RBFOX1: variants seen among roughly 807,000 people sequenced by gnomAD.
RBFOX1 encodes RNA binding fox-1 homolog 1, also known as RNA binding protein fox-1 homolog 1.
A neutral mutation model predicts 57.7 loss-of-function variants in RBFOX1; 8 were observed. The observed-to-expected ratio is 0.14, with a 90% CI of 0.08 to 0.25. RBFOX1 has a LOEUF of 0.25. RBFOX1 is among the 10% of genes least tolerant of loss of function. The pLI, the probability that RBFOX1 is intolerant of heterozygous loss-of-function variation, is 1.00. For missense variants in RBFOX1, 611 were observed against 548.5 expected, an observed-to-expected ratio of 1.11 and a Z score of -1.14; for synonymous variants, 326 against 222.4, an observed-to-expected ratio of 1.47 and a Z score of -4.15.
At chr16:6,421,091 G>T (rs1333554418) in intron 2 of RBFOX1, among the ~76,000 whole-genome samples, 2 of 152,206 alleles carry the variant, frequency 1.3e-5, no homozygotes, top group African/African-American at 2.4e-5. Flanking sequence ...TCAATCACAT[G>T]AAGGCTGGAT....
chr16:7,635,964 C>A (rs2061686465), intron 11 of RBFOX1, among the ~76,000 whole-genome samples: 1 of 152,174 alleles, frequency 6.6e-6, no homozygotes, highest in Admixed American at 6.5e-5. Context: ...GCGCCCGCCA[C>A]CATGCCCGGC....
chr16:6,576,708 A>C (rs2097443425), intron 2 of RBFOX1, among the ~76,000 whole-genome samples: 1 of 152,170 alleles, frequency 6.6e-6, no homozygotes, highest in Admixed American at 6.5e-5. Flanking sequence ...TATTTTATTT[A>C]CTAAAACAAA....
At position 7,142,014 on chromosome 16, in the gene RBFOX1, C is replaced by CCTTCTTCCTTCTTT. The variant is rs1394702724; in HGVS notation, c.27+89923_27+89936dup. Among the ~76,000 whole-genome samples, 193 of 149,634 alleles carry CCTTCTTCCTTCTTT rather than the reference C, an allele frequency of 1.3e-3. 1 individual carries two copies. The highest frequency in any genetic ancestry group is 0.013 in the South Asian group (58 of 4,628). On this transcript the variant is annotated intron_variant, in intron 4 of 15. Coordinates refer to ENST00000550418, the MANE Select transcript of RBFOX1 (RefSeq NM_018723.4). ...CTCCTTCTTCTTCCTCCTTCTTCTTCCTTCTTCCTTCTTTCTTCTTTTTAT... is the reference window on the plus strand; with the variant it reads ...CTCCTTCTTCTTCCTCCTTCTTCTTCCTTCTTCCTTCTTTCTTCTTCCTTCTTTCTTCTTTTTAT...
At chr16:7,582,029 C>A (rs59252889) in intron 6 of RBFOX1, among the ~76,000 whole-genome samples, 9,197 of 33,396 alleles carry the variant, frequency 0.28, 309 homozygotes, top group Middle Eastern at 0.43. Flanking sequence ...ATCCAGCACC[C>A]CCCCCCCCCC....
intron 4 of RBFOX1, among the ~76,000 whole-genome samples, chr16:7,226,272 A>G (rs985998746): frequency 1.3e-5 from 2 of 152,228 alleles, no homozygotes; most frequent in African/African-American, 4.8e-5. Context: ...AGGATGAATC[A>G]GGCCTCTCAT....
At position 7,566,393 on chromosome 16, in the gene RBFOX1, C is replaced by T. The variant is rs559669421; in HGVS notation, c.271-13384C>T. Among the ~76,000 whole-genome samples, 114 of 152,246 alleles carry T rather than the reference C, an allele frequency of 7.5e-4. 4 individuals are homozygous for T. The South Asian group carries it at 0.023, about 31-fold the overall frequency. On this transcript the variant is annotated intron_variant, in intron 5 of 15. Coordinates refer to ENST00000550418, the MANE Select transcript of RBFOX1 (RefSeq NM_018723.4). ...TTTACTCCTGTCTATATGTACTTTG[C>T]AGCTGCTCTACGTGCCTGCTCTTAG...
At chr16:5,448,011 A>G (rs1166292471) in intron 1 of RBFOX1, among the ~76,000 whole-genome samples, 1 of 152,146 alleles carries the variant, frequency 6.6e-6, no homozygotes, top group Non-Finnish European at 1.5e-5. Context: ...TGTTTAATTA[A>G]TTGAATCTGG....
chr16:7,447,440 A>AG (rs1361857708), intron 4 of RBFOX1, among the ~76,000 whole-genome samples: 4 of 151,602 alleles, frequency 2.6e-5, no homozygotes, highest in African/African-American at 9.7e-5. Flanking sequence ...CAAAAAAAAA[A>AG]AAAAAAAAAA....
In RBFOX1 at chr16:5,554,840, C is replaced by G. The variant is rs186695903; in HGVS notation, c.259-44062C>G. 3.0e-3 allele frequency among the ~76,000 whole-genome samples: 463 copies of G among 152,280 alleles called. 2 individuals carry two copies. The highest frequency in any genetic ancestry group is 0.011 in the African/African-American group (448 of 41,558). On this transcript the variant is annotated intron_variant, in intron 2 of 2. Coordinates refer to the RBFOX1 transcript ENST00000585867. The stretch of plus-strand genomic sequence containing the variant: ...TGTCTTTTTTCTTACTCACATTCTT[C>G]CTGCCTTCTGAGCAGTTGTCTCCAA...
intron 1 of RBFOX1, among the ~76,000 whole-genome samples, chr16:6,209,750 G>A (rs2097280527): frequency 6.6e-6 from 1 of 152,172 alleles, no homozygotes; most frequent in African/African-American, 2.4e-5. Context: ...TCCTTGTCTG[G>A]AAGCAGGTCG....
intron 4 of RBFOX1, among the ~76,000 whole-genome samples, chr16:7,310,102 G>T (rs2096274697): frequency 2.0e-5 from 3 of 152,216 alleles, no homozygotes; most frequent in Non-Finnish European, 4.4e-5. Flanking sequence ...TCAGCTCTCA[G>T]GCACAATGGC....
chr16:6,768,366 G>A (rs1181519047), intron 3 of RBFOX1, among the ~76,000 whole-genome samples: 3 of 151,710 alleles, frequency 2.0e-5, no homozygotes, highest in African/African-American at 7.3e-5. Flanking sequence ...TAGGGTAGAT[G>A]GTGTAGTTTT....
At chr16:5,584,614 G>C (rs2046774264) in intron 2 of RBFOX1, among the ~76,000 whole-genome samples, 1 of 152,180 alleles carries the variant, frequency 6.6e-6, no homozygotes, top group African/African-American at 2.4e-5. Context: ...CAGGCAGGTG[G>C]GTCATTGTCT....
At chr16:6,092,776 G>A (rs1285739873) in intron 1 of RBFOX1, 1 of 152,306 alleles carries the variant, frequency 6.6e-6, no homozygotes, top group African/African-American at 2.4e-5. Flanking sequence ...GTAGTGCCAT[G>A]CTGTTTTGGT....
intron 14 of RBFOX1, among the ~76,000 whole-genome samples, chr16:7,678,823 G>C (rs1401043813): frequency 6.6e-6 from 1 of 152,136 alleles, no homozygotes; most frequent in African/African-American, 2.4e-5. Flanking sequence ...ATATTATTCA[G>C]ATTTCTCATT....
chr16:6,422,768 T>C (rs2093812201), intron 2 of RBFOX1, among the ~76,000 whole-genome samples: 1 of 152,092 alleles, frequency 6.6e-6, no homozygotes, highest in South Asian at 2.1e-4. Context: ...TCATTCCTGA[T>C]AAATCCACCG....
intron 3 of RBFOX1, among the ~76,000 whole-genome samples, chr16:6,857,829 A>G (rs1235378185): frequency 1.3e-5 from 2 of 152,350 alleles, no homozygotes; most frequent in East Asian, 1.9e-4. Context: ...GTAATTAATT[A>G]TAGTGTGTTT....
intron 3 of RBFOX1, among the ~76,000 whole-genome samples, chr16:6,848,774 A>C (rs143058932): frequency 0.021 from 3,271 of 152,282 alleles, 74 homozygotes; most frequent in South Asian, 0.084. Context: ...GAAGAAACTC[A>C]GCAGGCAGCA....
chr16:7,233,373 T>G (rs1332073777), intron 4 of RBFOX1, among the ~76,000 whole-genome samples: 1 of 152,234 alleles, frequency 6.6e-6, no homozygotes, highest in Non-Finnish European at 1.5e-5. Context: ...TTCACGTGCT[T>G]CCAAGTCCTG....
Sources: allele counts gnomAD v4.1 joint callset (sites outside exome capture counted in the v4.1 genomes callset), GRCh38; gene constraint gnomAD v4.1.1; transcripts MANE v1.5; gene names NCBI Gene and HGNC (gene_info 2026-07-23, HGNC 2026-07-21).